Variants in RCAN2 observed in about 807,000 individuals in gnomAD.
The protein encoded by RCAN2 is calcipressin-2.
A neutral mutation model predicts 23.6 loss-of-function variants in RCAN2; 9 were observed. The ratio of observed to expected loss-of-function variants is 0.38; its 90% CI spans 0.23 to 0.67. RCAN2 has a LOEUF of 0.67. Among genes scored for constraint, RCAN2 ranks in the 30% least tolerant of loss-of-function variants. The pLI, the probability that RCAN2 is intolerant of heterozygous loss-of-function variation, is 0.51. For missense variants in RCAN2, 273 were observed against 302.3 expected, an observed-to-expected ratio of 0.90 and a Z score of 0.72; for synonymous variants, 109 against 115.7, an observed-to-expected ratio of 0.94 and a Z score of 0.37.
intron 2 of RCAN2, among the ~76,000 whole-genome samples, chr6:46,393,192 T>C (rs917045387): frequency 1.3e-5 from 2 of 152,200 alleles, no homozygotes; most frequent in African/African-American, 4.8e-5. Flanking sequence ...CTAATATGTT[T>C]TAAATGTTTA....
intron 4 of RCAN2, among the ~76,000 whole-genome samples, 160 bp downstream of exon 4, chr6:46,246,588 C>T (rs115785364): frequency 3.9e-4 from 60 of 152,352 alleles, no homozygotes; most frequent in Admixed American, 1.1e-3. Context: ...TCTGATGCTG[C>T]ATTCTCATCC....
intron 2 of RCAN2, among the ~76,000 whole-genome samples, chr6:46,275,896 T>C (rs935762336): frequency 6.6e-6 from 1 of 152,118 alleles, no homozygotes; most frequent in African/African-American, 2.4e-5. Flanking sequence ...TTTAGTGAGG[T>C]GGGTTCTTTT....
In RCAN2 at chr6:46,382,209, C is replaced by A. The variant is rs1275507831; in HGVS notation, c.225+74543G>T. Among the ~76,000 whole-genome samples the A allele has an allele frequency of 2.6e-5, 4 of 152,156 alleles. No individual in the cohort carries two copies. In the East Asian group the frequency reaches 7.7e-4, roughly 29 times the overall value. Reference sequence around the variant, plus strand: ...TAACTTCTGTATGCTATGATTTGCACACCTATACAATGGGAATACTAATAG... The same window carrying A: ...TAACTTCTGTATGCTATGATTTGCAAACCTATACAATGGGAATACTAATAG... On this transcript the variant is annotated intron_variant, in intron 2 of 4. Transcript: ENST00000371374.
At chr6:46,437,878 A>C (rs1294054673) in intron 2 of RCAN2, among the ~76,000 whole-genome samples, 1 of 152,224 alleles carries the variant, frequency 6.6e-6, no homozygotes, top group Non-Finnish European at 1.5e-5. Context: ...TTGTGAAAGA[A>C]CACCCTCTCT....
intron 2 of RCAN2, among the ~76,000 whole-genome samples, chr6:46,331,651 T>G (rs1455786833): frequency 6.6e-6 from 1 of 152,232 alleles, no homozygotes; most frequent in East Asian, 1.9e-4. Context: ...CAGTTCCACT[T>G]GGTAAATATT....
intron 2 of RCAN2, among the ~76,000 whole-genome samples, chr6:46,368,604 C>G (rs755398964): frequency 9.2e-5 from 14 of 152,268 alleles, no homozygotes; most frequent in South Asian, 4.1e-4. Context: ...GCATGTTACT[C>G]TACTGAATAC....
intron 2 of RCAN2, among the ~76,000 whole-genome samples, chr6:46,417,537 A>G (rs1462094042): frequency 1.3e-5 from 2 of 152,196 alleles, no homozygotes; most frequent in Non-Finnish European, 2.9e-5. Flanking sequence ...CTCTTCATTT[A>G]TGATAACCAA....
chr6:46,273,488 T>A (rs1412390768), intron 2 of RCAN2, among the ~76,000 whole-genome samples: 1 of 152,216 alleles, frequency 6.6e-6, no homozygotes, highest in African/African-American at 2.4e-5. Context: ...ACATTACTAT[T>A]ACCACTTTTC....
intron 2 of RCAN2, among the ~76,000 whole-genome samples, chr6:46,335,564 CCTT>C (rs1270656804): frequency 1.3e-5 from 2 of 152,190 alleles, no homozygotes; most frequent in Non-Finnish European, 2.9e-5. Flanking sequence ...GGACGCTCCT[CCTT>C]CTCCCAAGCA....
At chr6:46,471,732 A>C (rs1768562921) in intron 1 of RCAN2, among the ~76,000 whole-genome samples, 1 of 152,218 alleles carries the variant, frequency 6.6e-6, no homozygotes. Flanking sequence ...GTGAGAGAAG[A>C]GGTCTAAGGC....
chr6:46,357,877 G>T (rs183090170), intron 2 of RCAN2, among the ~76,000 whole-genome samples: 1 of 152,138 alleles, frequency 6.6e-6, no homozygotes, highest in South Asian at 2.1e-4. Flanking sequence ...AAGTACTTTC[G>T]CTTTCACCTT....
chr6:46,277,599 T>TG (rs2150336811), intron 2 of RCAN2, among the ~76,000 whole-genome samples: 1 of 151,794 alleles, frequency 6.6e-6, no homozygotes, highest in African/African-American at 2.4e-5. Context: ...CTTTTTTTTT[T>TG]TATAGAAAGT....
intron 2 of RCAN2, among the ~76,000 whole-genome samples, chr6:46,249,517 A>C (rs1766638034): frequency 6.6e-6 from 1 of 150,412 alleles, no homozygotes; most frequent in East Asian, 1.9e-4. Flanking sequence ...ATGGGGTTTC[A>C]CCATGCTGGC....
chr6:46,388,123 G>C (rs1008683798), intron 2 of RCAN2, among the ~76,000 whole-genome samples: 3 of 151,988 alleles, frequency 2.0e-5, no homozygotes, highest in African/African-American at 7.3e-5. Flanking sequence ...GTAGGGGGGA[G>C]GGAAAGCATT....
chr6:46,318,468 TG>T (rs1038110729), intron 2 of RCAN2, among the ~76,000 whole-genome samples: 40 of 152,170 alleles, frequency 2.6e-4, no homozygotes, highest in African/African-American at 9.2e-4. Flanking sequence ...ACTGTAAGGA[TG>T]TGGACACTGC....
chr6:46,483,495 G>A (rs1768919101), intron 1 of RCAN2, among the ~76,000 whole-genome samples: 1 of 152,210 alleles, frequency 6.6e-6, no homozygotes, highest in African/African-American at 2.4e-5. Context: ...CATCCAGGGT[G>A]CAAGCCAAGA....
chr6:46,341,297 C>G (rs1764311068), intron 2 of RCAN2, among the ~76,000 whole-genome samples: 1 of 151,808 alleles, frequency 6.6e-6, no homozygotes, highest in South Asian at 2.1e-4. Context: ...TCCTTAAAAG[C>G]AGGGGGGTCA....
intron 2 of RCAN2, among the ~76,000 whole-genome samples, chr6:46,277,109 G>A (rs943899615): frequency 6.6e-6 from 1 of 152,168 alleles, no homozygotes; most frequent in Non-Finnish European, 1.5e-5. Context: ...TGGTGGTTGA[G>A]GAAAAAAGAA....
chr6:46,424,288 A>C (rs981994840), intron 2 of RCAN2, among the ~76,000 whole-genome samples: 1 of 152,010 alleles, frequency 6.6e-6, no homozygotes, highest in African/African-American at 2.4e-5. Flanking sequence ...ACACATGAGA[A>C]AACTGAAGCA....
Sources: gnomAD v4.1 joint callset for allele counts (sites outside exome capture counted in the v4.1 genomes callset) on GRCh38, gnomAD v4.1.1 for gene constraint, MANE v1.5 for transcripts, NCBI Gene and HGNC (gene_info 2026-07-23, HGNC 2026-07-21) for gene names.